Variants in STC2 observed in about 807,000 individuals in gnomAD.
STC2 encodes stanniocalcin-2.
A neutral mutation model predicts 22.7 loss-of-function variants in STC2; 7 were observed. That is an observed-to-expected ratio of 0.31 (90% CI 0.18 to 0.58). The LOEUF (loss-of-function observed/expected upper bound fraction) is 0.58. Ranked by LOEUF, STC2 falls within the 20% of genes least tolerant of loss-of-function variation. The probability of loss-of-function intolerance (pLI) is 0.89; values close to 1 mark genes in which losing one functional copy is unlikely to be tolerated. For missense variants in STC2, 336 were observed against 406.2 expected (o/e 0.83, Z 1.48); for synonymous variants, 158 against 163.4 (o/e 0.97, Z 0.25).
chr5:173,322,469 C>T (rs890357699), intron 3 of STC2, among the ~76,000 whole-genome samples: 1 of 152,224 alleles, frequency 6.6e-6, no homozygotes, highest in Non-Finnish European at 1.5e-5. Context: ...AGTAAGTTCA[C>T]ATTTCCTTGT....
chr5:173,326,206 T>C (rs1300349670), intron 1 of STC2, among the ~76,000 whole-genome samples, 196 bp from the exon 2 acceptor site: 1 of 152,228 alleles, frequency 6.6e-6, no homozygotes, highest in Admixed American at 6.5e-5. Flanking sequence ...AAAATATCTC[T>C]ATTTGTAAAT....
chr5:173,321,470 G>A (rs941319416), intron 3 of STC2, among the ~76,000 whole-genome samples: 24 of 149,704 alleles, frequency 1.6e-4, no homozygotes, highest in African/African-American at 5.8e-4. Context: ...CTGAAGGAAG[G>A]GAATTTTAGA....
Position 173,318,148 on chromosome 5 carries a change from C to T in STC2, c.608G>A (p.Ser203Asn). The T allele has an allele frequency of 2.5e-6, 4 of 1,609,136 alleles. No homozygotes were observed. The highest frequency in any genetic ancestry group is 2.5e-6 in the Non-Finnish European group (3 of 1,178,056). ...VQVQCEQNWGSLCSILSFCTS... is the reference protein window; with the variant it reads ...VQVQCEQNWGNLCSILSFCTS... Reference sequence around the variant, plus strand: ...GCAGAAGCTCAAGATGGAGCACAGGCTTCCCCAGTTCTGCTCACACTGAAC... The same window carrying T: ...GCAGAAGCTCAAGATGGAGCACAGGTTTCCCCAGTTCTGCTCACACTGAAC... Residue 203 changes from serine to asparagine, a missense_variant, in exon 4 of 4, where the codon AGC (serine) becomes AAC (asparagine). Transcript: ENST00000265087.
At chr5:173,318,312 A>C (rs1762450827) in intron 3 of STC2, 63 bp from the exon 4 acceptor site, 1 of 1,308,096 alleles carries the variant, frequency 7.6e-7, no homozygotes, top group Admixed American at 3.1e-5. Flanking sequence ...CTGGGAATGG[A>C]GCAAGTCCCG....
At chr5:173,320,172 G>A (rs1762467398) in intron 3 of STC2, among the ~76,000 whole-genome samples, 1 of 152,210 alleles carries the variant, frequency 6.6e-6, no homozygotes, top group Non-Finnish European at 1.5e-5. Flanking sequence ...ACTGGATGCT[G>A]TCTTCAAGCT....
chr5:173,325,789 G>C lies in STC2; in HGVS notation c.294+79C>G. The C allele has an allele frequency of 6.3e-7, 1 of 1,594,970 alleles. No individual in the cohort carries two copies. The highest frequency in any genetic ancestry group is 8.6e-7 in the Non-Finnish European group (1 of 1,166,094). On this transcript the variant is annotated intron_variant, in intron 2 of 3. Coordinates refer to ENST00000265087, the MANE Select transcript of STC2 (RefSeq NM_003714.3). This position sits in a 1 kb window ranked among gnomAD's most constrained non-coding sequence, Gnocchi z 4.7. ...CCACAAGGAACAGCAAAGGAAGTTG[G>C]TTAACAAGGCTTTCCAATGAACGTT... is the stretch of plus-strand genomic sequence containing the variant.
Position 173,318,040 on chromosome 5 carries a change from T to TG in STC2, c.715dup (p.His239ProfsTer14). On this transcript the variant is annotated frameshift_variant, in exon 4 of 4. Transcript: ENST00000265087. LOFTEE classifies it high-confidence loss of function. Reference sequence around the variant, plus strand: ...TGGGAGGTGATGTCCTGCTTCCCCGTGGTGGGCCCTGGAGAGCTTGGTTCT... The same window carrying TG: ...TGGGAGGTGATGTCCTGCTTCCCCGTGGGTGGGCCCTGGAGAGCTTGGTTCT... 1 of 1,611,924 alleles carries TG rather than the reference T, an allele frequency of 6.2e-7. No homozygotes were observed. The highest frequency in any genetic ancestry group is 2.2e-5 in the East Asian group (1 of 44,804).
At chr5:173,321,161 C>T (rs917051073) in intron 3 of STC2, among the ~76,000 whole-genome samples, 1 of 151,888 alleles carries the variant, frequency 6.6e-6, no homozygotes, top group Non-Finnish European at 1.5e-5. Flanking sequence ...AGACCATGGC[C>T]CCGAGGGCCA....
intron 3 of STC2, among the ~76,000 whole-genome samples, chr5:173,319,064 C>G (rs1422744598): frequency 6.6e-6 from 1 of 152,148 alleles, no homozygotes; most frequent in Non-Finnish European, 1.5e-5. Context: ...GCCCCTGTGT[C>G]TGGACTGAGA....
chr5:173,327,652 G>T (rs571191658), intron 1 of STC2, among the ~76,000 whole-genome samples: 2 of 152,382 alleles, frequency 1.3e-5, no homozygotes, highest in East Asian at 1.9e-4. Flanking sequence ...TTCTCCGGGC[G>T]CAGGGCGCAG....
At position 173,317,868 on chromosome 5, in the gene STC2, C is replaced by T. The variant is rs1348229763; in HGVS notation, c.888G>A (p.Glu296=). The change falls in exon 4 of 4, where the codon GAG becomes GAA. Residue 296 remains glutamate, a synonymous_variant. Transcript: ENST00000265087. ...GSSEWEDEQS[E]YSDIRR is the part of the protein sequence containing the mutation. ...CATTTCACCTCCGGATATCAGAATA[C>T]TCAGACTGTTCGTCTTCCCACTCGC... 4 of 1,590,308 alleles carry T rather than the reference C, an allele frequency of 2.5e-6. No homozygotes were observed. The highest frequency in any genetic ancestry group is 1.3e-5 in the African/African-American group (1 of 74,202).
intron 3 of STC2, among the ~76,000 whole-genome samples, chr5:173,322,485 C>T (rs963460238): frequency 6.6e-6 from 1 of 152,134 alleles, no homozygotes; most frequent in African/African-American, 2.4e-5. Flanking sequence ...CTTGTTTTGG[C>T]ATAGAAGTGT....
At position 173,323,281 on chromosome 5, in the gene STC2, A is replaced by C. The variant is rs1391636907; in HGVS notation, c.444T>G (p.Ala148=). The stretch of plus-strand genomic sequence containing the variant: ...CTATCACCCGGGTGTTCTCCTGGGC[A>C]GCCGCGCACAGGTCGTGCTTGAGGT... ...ECYLKHDLCA[A]AQENTRVIVE... The change falls in exon 3 of 4, where the codon GCT becomes GCG. Residue 148 remains alanine (A), a synonymous_variant. Coordinates refer to ENST00000265087, the MANE Select transcript of STC2 (RefSeq NM_003714.3). This position sits in a 1 kb window ranked among gnomAD's most constrained non-coding sequence, Gnocchi z 5.4. The C allele has an allele frequency of 1.2e-6, 2 of 1,614,046 alleles. No homozygotes were observed. Among genetic ancestry groups the C allele is most frequent in the Non-Finnish European group, 1.7e-6 (2 of 1,180,030 alleles).
Position 173,318,243 on chromosome 5 carries a change from G to T in STC2, c.513C>A (p.Tyr171Ter). 6.8e-7 allele frequency: 1 copy of T among 1,465,062 alleles called. No homozygotes were observed. The allele number at this position is 1,465,062 out of a possible 1,614,324, so 90.8% of individuals were successfully genotyped here. The change falls in exon 4 of 4, where the codon TAC (tyrosine) becomes TAA (stop). Residue 171 changes from tyrosine to a stop codon, truncating the protein, a stop_gained. Transcript: ENST00000265087. LOFTEE classifies it high-confidence loss of function. ...HFKDLLLHEP[Y>*]VDLVNLLLTC... ...TCAGCAGCAAGTTCACGAGGTCCAC[G>T]TAGGGTCTAAAGATTGAAAGCAAAG...
At position 173,325,756 on chromosome 5, in the gene STC2, A is replaced by G. The variant is rs377710937; in HGVS notation, c.294+112T>C. ...ACCTAGACTGTCGCTTGCAAGCACTAAAACACACCACAAGGAACAGCAAAG... is the reference window on the plus strand; with the variant it reads ...ACCTAGACTGTCGCTTGCAAGCACTGAAACACACCACAAGGAACAGCAAAG... On this transcript the variant is annotated intron_variant, in intron 2 of 3. Transcript: ENST00000265087. The surrounding 1 kb of genome is among the most constrained non-coding windows in gnomAD (Gnocchi z 4.7). 6.7e-7 allele frequency: 1 copy of G among 1,493,232 alleles called. No individual in the cohort carries two copies. Among genetic ancestry groups the G allele is most frequent in the Non-Finnish European group, 9.2e-7 (1 of 1,087,582 alleles). 92.5% of individuals were successfully genotyped at this position (1,493,232 alleles called of 1,614,324 possible).
chr5:173,321,938 C>A (rs1273835905), intron 3 of STC2, among the ~76,000 whole-genome samples: 2 of 152,172 alleles, frequency 1.3e-5, no homozygotes, highest in African/African-American at 4.8e-5. Flanking sequence ...GAGGAAAATG[C>A]AATATTGTTT....
In STC2 at chr5:173,315,363, T is replaced by C. The variant is rs1191643172; in HGVS notation, c.*2484A>G. 6.6e-6 allele frequency: 1 copy of C among 152,164 alleles called. No homozygotes were observed. The highest frequency in any genetic ancestry group is 1.5e-5 in the Non-Finnish European group (1 of 68,038). 9.4% of individuals were successfully genotyped at this position (152,164 alleles called of 1,614,324 possible). ...GCTTCCAATAACGTGAGGGATGGGATAGAAATGCTATCTACCCGACTTCTG... is the reference window on the plus strand; with the variant it reads ...GCTTCCAATAACGTGAGGGATGGGACAGAAATGCTATCTACCCGACTTCTG... On this transcript the variant is annotated 3_prime_UTR_variant, in exon 4 of 4. Transcript: ENST00000265087.
intron 3 of STC2, among the ~76,000 whole-genome samples, chr5:173,322,141 AG>A (rs1473586358): frequency 2.0e-5 from 3 of 152,220 alleles, no homozygotes; most frequent in African/African-American, 4.8e-5. Context: ...GCACAAACTG[AG>A]GATCAAGAGT....
In STC2 at chr5:173,317,676, G is replaced by T; in HGVS notation, c.*171C>A. 1 of 836,080 alleles carries T rather than the reference G, an allele frequency of 1.2e-6. No homozygotes were observed. Among genetic ancestry groups the T allele is most frequent in the Non-Finnish European group, 1.7e-6 (1 of 578,454 alleles). 51.8% of individuals were successfully genotyped at this position (836,080 alleles called of 1,614,324 possible). The stretch of plus-strand genomic sequence containing the variant: ...CACCCCTGAGACCCCACGGCCCCAG[G>T]GGTCTCCATCTCACCTGTCCGTTCC... On this transcript the variant is annotated 3_prime_UTR_variant, in exon 4 of 4. Coordinates refer to ENST00000265087, the MANE Select transcript of STC2 (RefSeq NM_003714.3).
Sources: gnomAD v4.1 joint callset for allele counts (sites outside exome capture counted in the v4.1 genomes callset) on GRCh38, gnomAD v4.1.1 for gene constraint, Gnocchi (gnomAD v3.1) non-coding constraint, MANE v1.5 for transcripts, NCBI Gene and HGNC (gene_info 2026-07-23, HGNC 2026-07-21) for gene names.